SACS: variants seen among roughly 807,000 people sequenced by gnomAD.
SACS encodes sacsin.
SACS carries 197 observed loss-of-function variants against 348.0 expected under a neutral mutation model. That is an observed-to-expected ratio of 0.57 (90% CI 0.50 to 0.64). The LOEUF (loss-of-function observed/expected upper bound fraction) is 0.64. Among genes scored for constraint, SACS ranks in the 30% least tolerant of loss-of-function variants. The pLI is 0.00. For synonymous variants in SACS, 1,985 were observed against 1,910.6 expected, an observed-to-expected ratio of 1.04 and a Z score of -1.02; for missense variants, 4,999 against 5,360.8, an observed-to-expected ratio of 0.93 and a Z score of 2.11.
At chr13:23,356,096 G>T in intron 7 of SACS, 89 bp from the exon 8 acceptor site, 3 of 1,102,702 alleles carry the variant, frequency 2.7e-6, no homozygotes, top group Non-Finnish European at 4.0e-6. Flanking sequence ...AAAAGCATGA[G>T]CCATTAAATG....
chr13:23,396,723 C>T (rs1872725864), intron 2 of SACS, among the ~76,000 whole-genome samples: 1 of 152,052 alleles, frequency 6.6e-6, no homozygotes, highest in Admixed American at 6.6e-5. Context: ...GTGATACATG[C>T]CTAACATGTG....
At chr13:23,429,980 G>C (rs1465852996) in intron 1 of SACS, among the ~76,000 whole-genome samples, 2 of 152,008 alleles carry the variant, frequency 1.3e-5, no homozygotes, top group Non-Finnish European at 2.9e-5. Flanking sequence ...GGCTGAAGTG[G>C]GCAGATCACT....
chr13:23,331,553 G>GACA lies in SACS; in HGVS notation c.12322_12323insTGT (p.Lys4107_Ser4108insLeu), dbSNP rs1883476589. The GACA allele has an allele frequency of 6.2e-7, 1 of 1,613,632 alleles. No individual in the cohort carries two copies. Among genetic ancestry groups the GACA allele is most frequent in the Non-Finnish European group, 8.5e-7 (1 of 1,179,736 alleles). On this transcript the variant is annotated inframe_insertion, in exon 10 of 10. Transcript: ENST00000382292. ...GTCAGAAATCAAATTGTCAGTTGCT[G>GACA]ATTTAAGAGTCATTGCCAATGCTAA...
chr13:23,414,941 G>C (rs897139835), intron 1 of SACS, among the ~76,000 whole-genome samples: 2 of 152,146 alleles, frequency 1.3e-5, no homozygotes, highest in African/African-American at 4.8e-5. Flanking sequence ...ACACATGCTA[G>C]GTCTCAGAGA....
chr13:23,332,874 G>C lies in SACS; in HGVS notation c.11002C>G (p.Pro3668Ala). The C allele has an allele frequency of 6.2e-7, 1 of 1,613,820 alleles. No homozygotes were observed. Among genetic ancestry groups the C allele is most frequent in the Non-Finnish European group, 8.5e-7 (1 of 1,179,910 alleles). The change falls in exon 10 of 10, where the codon CCT (proline) becomes GCT (alanine). Residue 3668 changes from proline (P) to alanine (A), a missense_variant. By Grantham distance (27) the Pro-to-Ala change is conservative. This residue lies in a region of SACS where 831 missense variants were observed against 941.8 expected (regional missense o/e 0.88). Transcript: ENST00000382292. ...RAPAEFIRFH[P>A]QYQEVNGTLP... Reference sequence around the variant, plus strand: ...GTTCCATTTACCTCTTGATATTGAGGATGAAATCTAATGAATTCCGCGGGG... The same window carrying C: ...GTTCCATTTACCTCTTGATATTGAGCATGAAATCTAATGAATTCCGCGGGG...
chr13:23,394,856 AAAAC>A (rs1011566622), intron 2 of SACS, among the ~76,000 whole-genome samples: 11 of 152,330 alleles, frequency 7.2e-5, no homozygotes, highest in African/African-American at 2.2e-4. Context: ...CTCCCTCTCG[AAAAC>A]AAACAAAGAT....
At chr13:23,358,780 C>T (rs1020555050) in intron 6 of SACS, among the ~76,000 whole-genome samples, 2 of 152,062 alleles carry the variant, frequency 1.3e-5, no homozygotes, top group Admixed American at 6.5e-5. Flanking sequence ...TACTACTCTA[C>T]GTGAAATTTG....
intron 2 of SACS, among the ~76,000 whole-genome samples, chr13:23,409,433 T>G (rs1873394596): frequency 6.9e-6 from 1 of 144,278 alleles, no homozygotes; most frequent in African/African-American, 2.6e-5. Context: ...CTTGGCTCAC[T>G]GCAACCTCCG....
intron 2 of SACS, among the ~76,000 whole-genome samples, chr13:23,385,219 T>C (rs1424564925): frequency 6.6e-6 from 1 of 152,200 alleles, no homozygotes; most frequent in African/African-American, 2.4e-5. Context: ...TTCTAGTTCT[T>C]GCTGTTTCCA....
At position 23,425,064 on chromosome 13, in the gene SACS, G is replaced by A. The variant is rs143845857; in HGVS notation, c.-502+8551C>T. Among the ~76,000 whole-genome samples the A allele has an allele frequency of 1.4e-4, 21 of 152,314 alleles. No individual in the cohort carries two copies. In the East Asian group the frequency reaches 3.1e-3, roughly 22 times the overall value. On this transcript the variant is annotated intron_variant, in intron 1 of 9. Coordinates refer to ENST00000382292, the MANE Select transcript of SACS (RefSeq NM_014363.6). ...TGGTGCTTGGTGTACACCTCAAGTC[G>A]AGTGTCTACCTGGGGCCTGATGTCC...
chr13:23,340,889 A>C lies in SACS; in HGVS notation c.2987T>G (p.Leu996Ter), dbSNP rs1450257625. The C allele has an allele frequency of 4.3e-6, 7 of 1,612,112 alleles. No individual in the cohort carries two copies. The highest frequency in any genetic ancestry group is 5.1e-6 in the Non-Finnish European group (6 of 1,178,440). Reference sequence around the variant, plus strand: ...ATAAAATGCATTTTCAATATCTTTTAAAACAAGCTTTAAGCAGCTAGTGGT... The same window carrying C: ...ATAAAATGCATTTTCAATATCTTTTCAAACAAGCTTTAAGCAGCTAGTGGT... Reference protein sequence around the residue: ...LKTTSCLKLVLKDIENAFYSH... With the variant: ...LKTTSCLKLV Residue 996 changes from leucine to a stop codon, truncating the protein, a stop_gained, in exon 10 of 10, where the codon TTA becomes TGA. Transcript: ENST00000382292. LOFTEE classifies it high-confidence loss of function.
Position 23,354,836 on chromosome 13 carries a change from G to T in SACS, c.1776C>A (p.Asn592Lys), listed in dbSNP as rs1478121716. Residue 592 changes from asparagine to lysine, a missense_variant, in exon 8 of 10, where the codon AAC (asparagine) becomes AAA (lysine). By Grantham distance (94) the Asn-to-Lys change is moderately conservative (BLOSUM62 0). This residue lies in a region of SACS where 3,156 missense variants were observed against 3,380.1 expected (regional missense o/e 0.93). Coordinates refer to ENST00000382292, the MANE Select transcript of SACS (RefSeq NM_014363.6). ...ENLEYTKTVLNYLQSSGKQIA... is the reference protein window; with the variant it reads ...ENLEYTKTVLKYLQSSGKQIA... ...TCTGCTTCCCTGAGCTCTGGAGGTA[G>T]TTGAGCACAGTTTTTGTGTATTCTA... The T allele has an allele frequency of 6.2e-7, 1 of 1,614,222 alleles. No homozygotes were observed. The highest frequency in any genetic ancestry group is 2.2e-5 in the East Asian group (1 of 44,882).
chr13:23,340,299 T>C lies in SACS; in HGVS notation c.3577A>G (p.Ile1193Val), dbSNP rs761453388. The change falls in exon 10 of 10, where the codon ATT becomes GTT. Residue 1193 changes from isoleucine to valine, a missense_variant. Physicochemically the swap from Ile to Val is conservative, Grantham distance 29 (BLOSUM62 3). Transcript: ENST00000382292. ...PPDMCDVGHA[I>V]LIGSSLPLVE... ...AGAGGAAGTGAGGAGCCAATGAGAA[T>C]TGCATGGCCTACATCACACATATCT... 7 of 1,613,838 alleles carry C rather than the reference T, an allele frequency of 4.3e-6. No homozygotes were observed. Among genetic ancestry groups the C allele is most frequent in the East Asian group, 4.5e-5 (2 of 44,896 alleles).
At chr13:23,431,036 G>T (rs1049482921) in intron 1 of SACS, among the ~76,000 whole-genome samples, 1 of 152,162 alleles carries the variant, frequency 6.6e-6, no homozygotes, top group Admixed American at 6.5e-5. Context: ...TTACTAATAA[G>T]AAATACTTGG....
intron 1 of SACS, among the ~76,000 whole-genome samples, chr13:23,431,016 GTC>G (rs1400689352): frequency 1.3e-5 from 2 of 152,158 alleles, no homozygotes; most frequent in Admixed American, 6.6e-5. Flanking sequence ...CATCTAGTCA[GTC>G]TCTCCTTTTA....
chr13:23,422,371 A>T (rs1171675770), intron 1 of SACS, among the ~76,000 whole-genome samples: 1 of 152,200 alleles, frequency 6.6e-6, no homozygotes, highest in Admixed American at 6.5e-5. Flanking sequence ...TTATCGTTTT[A>T]TACAACCTAA....
chr13:23,408,837 C>T (rs1350802576), intron 2 of SACS, among the ~76,000 whole-genome samples: 2 of 150,912 alleles, frequency 1.3e-5, no homozygotes, highest in Non-Finnish European at 3.0e-5. Context: ...TGGTGGTGGG[C>T]ACCTGTAGTC....
chr13:23,334,531 C>G lies in SACS; in HGVS notation c.9345G>C (p.Gly3115=), dbSNP rs1356778975. Residue 3115 remains glycine (G), a synonymous_variant, in exon 10 of 10, where the codon GGG becomes GGC. Coordinates refer to ENST00000382292, the MANE Select transcript of SACS (RefSeq NM_014363.6). The part of the protein sequence containing the change: ...FSSPDTNCHI[G]KLPCRLQQTN... The stretch of plus-strand genomic sequence containing the variant: ...TCTGCTGCAGACGACAAGGCAGCTT[C>G]CCAATATGGCAATTAGTGTCAGGAG... 4 of 1,613,318 alleles carry G rather than the reference C, an allele frequency of 2.5e-6. No individual in the cohort carries two copies. The Admixed American group carries it at 6.7e-5, about 27-fold the overall frequency.
intron 2 of SACS, 106 bp downstream of exon 2, chr13:23,411,114 T>A (rs1873462205): frequency 1.1e-6 from 1 of 914,086 alleles, no homozygotes; most frequent in Non-Finnish European, 1.8e-6. Flanking sequence ...CACTTTTACC[T>A]CTCGAGTGCT....
Sources: gnomAD v4.1 joint callset for allele counts (sites outside exome capture counted in the v4.1 genomes callset) on GRCh38, gnomAD v4.1.1 for gene constraint, gnomAD v4.1.1 regional missense constraint, MANE v1.5 for transcripts, NCBI Gene and HGNC (gene_info 2026-07-23, HGNC 2026-07-21) for gene names.